PALM2AKAP2: variants seen among roughly 807,000 people sequenced by gnomAD.
PALM2AKAP2 encodes PALM2-AKAP2 fusion protein.
In PALM2AKAP2, 37 loss-of-function variants were observed where a neutral mutation model predicts 71.5. That is an observed-to-expected ratio of 0.52 (90% confidence interval 0.40 to 0.68). The LOEUF is 0.68. Ranked by LOEUF, PALM2AKAP2 falls within the 30% of genes least tolerant of loss-of-function variation. The pLI, the probability that PALM2AKAP2 is intolerant of heterozygous loss-of-function variation, is 0.00. For synonymous variants in PALM2AKAP2, 468 were observed against 478.8 expected, an observed-to-expected ratio of 0.98 and a Z score of 0.29; for missense variants, 1,224 against 1,191.8, an observed-to-expected ratio of 1.03 and a Z score of -0.40.
chr9:109,750,966 AATAC>A (rs1308827462), intron 1 of PALM2AKAP2, among the ~76,000 whole-genome samples: 1 of 152,170 alleles, frequency 6.6e-6, no homozygotes, highest in East Asian at 1.9e-4. Flanking sequence ...GATAGGACCC[AATAC>A]AGGCAGAGAC....
intron 1 of PALM2AKAP2, among the ~76,000 whole-genome samples, chr9:110,124,477 C>A (rs1394359387): frequency 6.6e-6 from 1 of 152,114 alleles, no homozygotes; most frequent in Non-Finnish European, 1.5e-5. Context: ...TAGTTCTGCC[C>A]GTAAGTTATG....
rs144454410 is a variant in PALM2AKAP2 at position 109,898,887 on chromosome 9, A to G, written c.257+18206A>G. Among the ~76,000 whole-genome samples the G allele has an allele frequency of 8.3e-4, 127 of 152,294 alleles. 2 individuals are homozygous for G. In the East Asian group the frequency reaches 0.013, roughly 15 times the overall value. On this transcript the variant is annotated intron_variant, in intron 3 of 9. Transcript: ENST00000302798. Reference sequence around the variant, plus strand: ...CACTTTCATCAACTGTTGAGCAGCAACGGAAGCTGCTGAATGCTCCCTATT... The same window carrying G: ...CACTTTCATCAACTGTTGAGCAGCAGCGGAAGCTGCTGAATGCTCCCTATT...
intron 3 of PALM2AKAP2, among the ~76,000 whole-genome samples, chr9:109,898,733 C>G (rs1024223476): frequency 6.6e-6 from 1 of 152,206 alleles, no homozygotes; most frequent in African/African-American, 2.4e-5. Flanking sequence ...CATTTTTCTT[C>G]TGCACTAACT....
intron 1 of PALM2AKAP2, among the ~76,000 whole-genome samples, chr9:109,732,798 C>A (rs1828576208): frequency 6.6e-6 from 1 of 152,142 alleles, no homozygotes; most frequent in Non-Finnish European, 1.5e-5. Flanking sequence ...GTCTCCCTTT[C>A]AAGATGCTCA....
At chr9:109,690,171 G>A (rs1035672326) in intron 1 of PALM2AKAP2, among the ~76,000 whole-genome samples, 1 of 152,164 alleles carries the variant, frequency 6.6e-6, no homozygotes, top group African/African-American at 2.4e-5. Context: ...CACCAGCACA[G>A]CATCTTGCCT....
chr9:110,057,569 G>T (rs1482680330), intron 1 of PALM2AKAP2, among the ~76,000 whole-genome samples: 1 of 151,590 alleles, frequency 6.6e-6, no homozygotes, highest in Non-Finnish European at 1.5e-5. Context: ...TAGTAGAGAC[G>T]GGGTTTCACT....
chr9:109,974,650 GGTTTACAAA>G (rs1200842235), intron 6 of PALM2AKAP2, among the ~76,000 whole-genome samples: 5 of 152,134 alleles, frequency 3.3e-5, no homozygotes, highest in African/African-American at 9.7e-5. Context: ...CCCCTGCAAT[GGTTTACAAA>G]GTGTACCGCA....
Position 109,840,846 on chromosome 9 carries a change from A to G in PALM2AKAP2, c.46-26645A>G, listed in dbSNP as rs1056309793. ...CCATCTCATACCAGTTAGAATGGCGATCATTAAAAAGTCAGGAGACAACAG... is the reference window on the plus strand; with the variant it reads ...CCATCTCATACCAGTTAGAATGGCGGTCATTAAAAAGTCAGGAGACAACAG... On this transcript the variant is annotated intron_variant, in intron 1 of 9. Coordinates refer to the PALM2AKAP2 transcript ENST00000302798. Among the ~76,000 whole-genome samples the G allele has an allele frequency of 8.5e-5, 13 of 152,344 alleles. No homozygotes were observed. The East Asian group carries it at 1.4e-3, about 16-fold the overall frequency.
At chr9:109,719,169 C>T (rs748769324) in intron 1 of PALM2AKAP2, among the ~76,000 whole-genome samples, 44 of 152,172 alleles carry the variant, frequency 2.9e-4, no homozygotes, top group Admixed American at 4.6e-4. Flanking sequence ...CAATAAAACT[C>T]TGTTAGTTAG....
intron 3 of PALM2AKAP2, among the ~76,000 whole-genome samples, chr9:109,911,767 G>C (rs915894388): frequency 2.6e-5 from 4 of 152,148 alleles, no homozygotes; most frequent in African/African-American, 9.7e-5. Context: ...TATTTATTGA[G>C]CATCTGTATG....
At chr9:109,881,129 T>C (rs1450726069) in intron 3 of PALM2AKAP2, among the ~76,000 whole-genome samples, 2 of 152,224 alleles carry the variant, frequency 1.3e-5, no homozygotes, top group African/African-American at 2.4e-5. Flanking sequence ...AATGAGAACA[T>C]GCAGTATTTG....
At chr9:109,946,757 A>G (rs1831518775) in intron 6 of PALM2AKAP2, 1 of 151,836 alleles carries the variant, frequency 6.6e-6, no homozygotes, top group African/African-American at 2.4e-5. Flanking sequence ...AGGAAAAAAA[A>G]AAGGAAAAGG....
intron 1 of PALM2AKAP2, among the ~76,000 whole-genome samples, chr9:109,699,045 G>T (rs1214051286): frequency 2.0e-5 from 3 of 152,216 alleles, no homozygotes; most frequent in African/African-American, 7.2e-5. Flanking sequence ...GGCTAAAGAT[G>T]ACAACTTGAT....
At chr9:110,016,758 TG>T (rs1832986672) in intron 7 of PALM2AKAP2, among the ~76,000 whole-genome samples, 2 of 152,122 alleles carry the variant, frequency 1.3e-5, no homozygotes, top group African/African-American at 2.4e-5. Flanking sequence ...TAACAAAGGA[TG>T]GGGGTGGGAG....
intron 1 of PALM2AKAP2, among the ~76,000 whole-genome samples, chr9:110,114,562 C>A (rs1004055216): frequency 6.6e-5 from 10 of 152,220 alleles, no homozygotes; most frequent in African/African-American, 2.2e-4. Flanking sequence ...AAGCATCACA[C>A]AATCAGTTTA....
intron 1 of PALM2AKAP2, among the ~76,000 whole-genome samples, chr9:110,119,909 T>A (rs746924539): frequency 3.5e-4 from 54 of 152,196 alleles, no homozygotes; most frequent in Non-Finnish European, 5.9e-4. Flanking sequence ...AGCCCTGTGG[T>A]GAGCATGTCA....
At chr9:110,085,104 CCA>C (rs1423561764) in intron 1 of PALM2AKAP2, among the ~76,000 whole-genome samples, 6 of 152,096 alleles carry the variant, frequency 3.9e-5, no homozygotes, top group African/African-American at 1.4e-4. Context: ...CAGTGTGTAA[CCA>C]CAGACGCAGA....
At chr9:110,005,502 A>G (rs1238720723) in intron 6 of PALM2AKAP2, among the ~76,000 whole-genome samples, 1 of 152,166 alleles carries the variant, frequency 6.6e-6, no homozygotes, top group African/African-American at 2.4e-5. Context: ...CAGTCTGTCC[A>G]TTCTCAGATC....
intron 6 of PALM2AKAP2, chr9:109,943,567 A>C: frequency 9.8e-6 from 12 of 1,228,372 alleles, no homozygotes; most frequent in South Asian, 1.5e-5. Context: ...GATCTCTCTC[A>C]TTTTTTTTCC....
Sources: gnomAD v4.1 joint callset for allele counts (sites outside exome capture counted in the v4.1 genomes callset) on GRCh38, gnomAD v4.1.1 for gene constraint, MANE v1.5 for transcripts, NCBI Gene and HGNC (gene_info 2026-07-23, HGNC 2026-07-21) for gene names.